ZNF682: variants seen among roughly 807,000 people sequenced by gnomAD.
ZNF682 encodes zinc finger protein 682.
In ZNF682, 29 loss-of-function variants were observed where a neutral mutation model predicts 36.5. The observed-to-expected ratio is 0.80, with a 90% CI of 0.59 to 1.08. The LOEUF is 1.08. ZNF682 is among the 50% of genes least tolerant of loss of function. The pLI is 0.00. For missense variants in ZNF682, 561 were observed against 579.7 expected, an observed-to-expected ratio of 0.97 and a Z score of 0.33; for synonymous variants, 180 against 197.0, an observed-to-expected ratio of 0.91 and a Z score of 0.72.
intron 1 of ZNF682, among the ~76,000 whole-genome samples, chr19:20,035,343 A>G (rs1388025823): frequency 1.3e-5 from 2 of 151,920 alleles, no homozygotes; most frequent in Non-Finnish European, 1.5e-5. Context: ...CTCCTGCCTC[A>G]GGCTCCCGAG....
chr19:20,021,925 C>G (rs922866449), intron 3 of ZNF682, among the ~76,000 whole-genome samples: 1 of 152,010 alleles, frequency 6.6e-6, no homozygotes, highest in Admixed American at 6.6e-5. Flanking sequence ...AATCCCAGCA[C>G]TTTGGGAGAC....
chr19:20,028,410 C>T lies in ZNF682; in HGVS notation c.4-4034G>A, dbSNP rs116313899. ...TGTTTTTAGTAGAGATGGCCTTTCA[C>T]GATATTGGCTAGGCTGGTCTTGAAC... On this transcript the variant is annotated intron_variant, in intron 1 of 3. Transcript: ENST00000397165. Among the ~76,000 whole-genome samples the T allele has an allele frequency of 9.1e-3, 1,388 of 152,206 alleles. 21 individuals are homozygous for T. The highest frequency in any genetic ancestry group is 0.031 in the African/African-American group (1,305 of 41,522).
At position 20,039,466 on chromosome 19, in the gene ZNF682, GAAGA is replaced by G; in HGVS notation, c.-125_-122del. On this transcript the variant is annotated 5_prime_UTR_variant, in exon 1 of 4. Transcript: ENST00000397165. ...ACTAGAGCAGAGGATACTAAGCAAT[GAAGA>G]TGGACCCTGAGCTCTGGCTGGAGCG... 7.4e-7 allele frequency: 1 copy of G among 1,355,828 alleles called. No homozygotes were observed. The highest frequency in any genetic ancestry group is 1.4e-5 in the African/African-American group (1 of 69,972). The allele number at this position is 1,355,828 out of a possible 1,614,324, so 84.0% of individuals were successfully genotyped here. A position where few individuals can be genotyped will look rare whatever the true frequency, so the allele number is the denominator to read the frequency against.
At position 20,006,703 on chromosome 19, in the gene ZNF682, G is replaced by C; in HGVS notation, c.799C>G (p.His267Asp). ...YKCEECGKAFHWCSPFVRHKK... is the reference protein window; with the variant it reads ...YKCEECGKAFDWCSPFVRHKK... ...TGTCTAACAAAGGGTGAACACCAGTGAAAGGCTTTTCCACATTCTTCACAT... is the reference window on the plus strand; with the variant it reads ...TGTCTAACAAAGGGTGAACACCAGTCAAAGGCTTTTCCACATTCTTCACAT... Residue 267 changes from histidine (H) to aspartate (D), a missense_variant, in exon 4 of 4, where the codon CAC (histidine) becomes GAC (aspartate). Transcript: ENST00000397165. 2.5e-6 allele frequency: 4 copies of C among 1,607,142 alleles called. No individual in the cohort carries two copies. The highest frequency in any genetic ancestry group is 3.4e-6 in the Non-Finnish European group (4 of 1,177,198).
At position 20,006,943 on chromosome 19, in the gene ZNF682, C is replaced by CT; in HGVS notation, c.558dup (p.Gly187ArgfsTer6). ...TGAATTATCTTATGATAAGAAAGGC[C>CT]TGAGTGAGATTTAAAGACTTTGCCA... On this transcript the variant is annotated frameshift_variant, in exon 4 of 4. Coordinates refer to ENST00000397165, the MANE Select transcript of ZNF682 (RefSeq NM_033196.3). LOFTEE classifies it high-confidence loss of function. 1 of 1,613,282 alleles carries CT rather than the reference C, an allele frequency of 6.2e-7. No individual in the cohort carries two copies. The highest frequency in any genetic ancestry group is 8.5e-7 in the Non-Finnish European group (1 of 1,179,516).
chr19:20,001,377 G>C (rs753154068), downstream of ZNF682, among the ~76,000 whole-genome samples: 1 of 152,128 alleles, frequency 6.6e-6, no homozygotes, highest in Non-Finnish European at 1.5e-5. Context: ...ACTACTTTAC[G>C]CATGTTCCTG....
chr19:20,025,764 C>T lies in ZNF682; in HGVS notation c.4-1388G>A, dbSNP rs2088426123. Among the ~76,000 whole-genome samples the T allele has an allele frequency of 2.0e-5, 3 of 151,552 alleles. No individual in the cohort carries two copies. In the South Asian group the frequency reaches 6.2e-4, roughly 32 times the overall value. On this transcript the variant is annotated intron_variant, in intron 1 of 3. Coordinates refer to ENST00000397165, the MANE Select transcript of ZNF682 (RefSeq NM_033196.3). ...GTGTCAACACACATGGGCAGACAAT[C>T]ATCAGAGCTATGATATTATTGGCAA...
In ZNF682 at chr19:20,006,073, CT is replaced by C; in HGVS notation, c.1428del (p.Gly477GlufsTer27). On this transcript the variant is annotated frameshift_variant, in exon 4 of 4. Transcript: ENST00000397165. LOFTEE classifies it high-confidence loss of function. ...SHLNEHKRVQ[R>X]GEKSCKYKKC... ...TTTTTATACTTGCAGGATTTCTCTCCTCTTTGAACTCTCTTATGTTCATTAA... is the reference window on the plus strand; with the variant it reads ...TTTTTATACTTGCAGGATTTCTCTCCCTTTGAACTCTCTTATGTTCATTAA... The C allele has an allele frequency of 1.2e-6, 2 of 1,611,764 alleles. No individual in the cohort carries two copies. Among genetic ancestry groups the C allele is most frequent in the Non-Finnish European group, 1.7e-6 (2 of 1,178,486 alleles).
In ZNF682 at chr19:20,006,869, C is replaced by G; in HGVS notation, c.633G>C (p.Lys211Asn). Residue 211 changes from lysine (K) to asparagine (N), a missense_variant, in exon 4 of 4, where the codon AAG (lysine) becomes AAC (asparagine). Coordinates refer to ENST00000397165, the MANE Select transcript of ZNF682 (RefSeq NM_033196.3). ...TATGTTTAGTAAGGTATGAGAACCA[C>G]TTAAAGGTTTTGCCACATTCCTCAC... ...CICEECGKTFKWFSYLTKHKR... is the reference protein window; with the variant it reads ...CICEECGKTFNWFSYLTKHKR... The G allele has an allele frequency of 6.2e-7, 1 of 1,614,014 alleles. No homozygotes were observed. Among genetic ancestry groups the G allele is most frequent in the Non-Finnish European group, 8.5e-7 (1 of 1,179,938 alleles).
Position 20,005,896 on chromosome 19 carries a change from T to C in ZNF682, c.*109A>G. On this transcript the variant is annotated 3_prime_UTR_variant, in exon 4 of 4. Coordinates refer to ENST00000397165, the MANE Select transcript of ZNF682 (RefSeq NM_033196.3). ...ACTTTCCCCACATTCTTCACATTTG[T>C]AGTGTTTCTCTCCAGTATGAATTAT... The C allele has an allele frequency of 1.9e-6, 2 of 1,059,382 alleles. No homozygotes were observed. The highest frequency in any genetic ancestry group is 2.1e-4 in the Middle Eastern group (1 of 4,712). The allele number at this position is 1,059,382 out of a possible 1,614,324, so 65.6% of individuals were successfully genotyped here.
At chr19:20,019,074 AACAG>A (rs538928228) in intron 3 of ZNF682, among the ~76,000 whole-genome samples, 1 of 152,318 alleles carries the variant, frequency 6.6e-6, no homozygotes, top group African/African-American at 2.4e-5. Flanking sequence ...TTGATTAAGA[AACAG>A]ACAAATAATT....
In ZNF682 at chr19:20,024,355, C is replaced by A; in HGVS notation, c.25G>T (p.Val9Leu). ...TCCTCCAGAGAGAATTCTATGGTCA[C>A]ATCCCTGAATGTCAACAGTTCCTGA... MELLTFRD[V>L]TIEFSLEEWE... The change falls in exon 2 of 4, where the codon GTG (valine) becomes TTG (leucine). Residue 9 changes from valine (V) to leucine (L), a missense_variant. Physicochemically the swap from Val to Leu is conservative, Grantham distance 32. Transcript: ENST00000397165. The A allele has an allele frequency of 6.2e-7, 1 of 1,612,698 alleles. No individual in the cohort carries two copies. The highest frequency in any genetic ancestry group is 8.5e-7 in the Non-Finnish European group (1 of 1,179,518).
chr19:20,024,306 T>A lies in ZNF682; in HGVS notation c.74A>T (p.Gln25Leu). 1 of 1,614,144 alleles carries A rather than the reference T, an allele frequency of 6.2e-7. No homozygotes were observed. Among genetic ancestry groups the A allele is most frequent in the African/African-American group, 1.3e-5 (1 of 75,068 alleles). The change falls in exon 2 of 4, where the codon CAG becomes CTG. Residue 25 changes from glutamine to leucine, a missense_variant. Gln to Leu is a moderately radical substitution (Grantham distance 113). Coordinates refer to ENST00000397165, the MANE Select transcript of ZNF682 (RefSeq NM_033196.3). ...LEEWEFLNPA[Q>L]QSLYRKVMLE... ...CATCACTTTCCTATACAAACTCTGCTGAGCAGGGTTCAGAAACTCCCACTC... is the reference window on the plus strand; with the variant it reads ...CATCACTTTCCTATACAAACTCTGCAGAGCAGGGTTCAGAAACTCCCACTC...
At chr19:20,015,895 AT>A (rs768573396) in intron 3 of ZNF682, 4 of 397,438 alleles carry the variant, frequency 1.0e-5, no homozygotes, top group Non-Finnish European at 1.8e-5. Flanking sequence ...CAATATAAAT[AT>A]TGTAAAATAC....
chr19:20,015,495 G>A, intron 3 of ZNF682: 1 of 865,820 alleles, frequency 1.2e-6, no homozygotes. Flanking sequence ...TATAATGAAT[G>A]TCAAATGGCC....
rs1395334390 is a variant in ZNF682 at position 20,005,461 on chromosome 19, T to TA, written c.*543dup. 1 of 152,528 alleles carries TA rather than the reference T, an allele frequency of 6.6e-6. No individual in the cohort carries two copies. The highest frequency in any genetic ancestry group is 1.5e-5 in the Non-Finnish European group (1 of 68,298). 9.4% of individuals were successfully genotyped at this position (152,528 alleles called of 1,614,324 possible). On this transcript the variant is annotated 3_prime_UTR_variant, in exon 4 of 4. Transcript: ENST00000397165. ...CCAATGTAAATTATCTAAAATGGAA[T>TA]AAAATTTGAGCAACTGTTAGAGGGT...
At chr19:20,021,613 ATAGT>A (rs1185554527) in intron 3 of ZNF682, among the ~76,000 whole-genome samples, 2 of 152,208 alleles carry the variant, frequency 1.3e-5, no homozygotes, top group Admixed American at 6.5e-5. Context: ...TACATAATAA[ATAGT>A]TATATACTTT....
rs1027069735 is a variant in ZNF682, at chr19:20,006,648, T to C, written c.854A>G (p.Tyr285Cys). The change falls in exon 4 of 4, where the codon TAT becomes TGT. Residue 285 changes from tyrosine (Y) to cysteine (C), a missense_variant. By Grantham distance (194) the Tyr-to-Cys change is radical. Transcript: ENST00000397165. ...CGCTCTGCCACAGTCTTCACATGTA[T>C]AGGGTTTTTCTCCTGTATGAATTTT... ...HKKIHTGEKP[Y>C]TCEDCGRAFN... 4.3e-6 allele frequency: 7 copies of C among 1,614,012 alleles called. No individual in the cohort carries two copies. Among genetic ancestry groups the C allele is most frequent in the Admixed American group, 1.7e-5 (1 of 60,008 alleles).
chr19:20,032,727 A>G (rs999908908), intron 1 of ZNF682, among the ~76,000 whole-genome samples: 2 of 152,224 alleles, frequency 1.3e-5, no homozygotes, highest in African/African-American at 4.8e-5. Flanking sequence ...TGTGACATTA[A>G]TTGCAGGCAA....
Sources: gnomAD v4.1 joint callset for allele counts (sites outside exome capture counted in the v4.1 genomes callset) on GRCh38, gnomAD v4.1.1 for gene constraint, MANE v1.5 for transcripts, NCBI Gene and HGNC (gene_info 2026-07-23, HGNC 2026-07-21) for gene names.